The following TASP1 variants were observed in gnomAD, a reference collection of about 807,000 sequenced individuals.
TASP1 encodes threonine aspartase 1.
TASP1 carries 16 observed loss-of-function variants against 56.6 expected under a neutral mutation model. The ratio of observed to expected loss-of-function variants is 0.28; its 90% CI spans 0.19 to 0.43. The LOEUF is 0.43. TASP1 is among the 20% of genes least tolerant of loss of function. The pLI is 1.00. For synonymous variants in TASP1, 179 were observed against 184.2 expected (o/e 0.97, Z 0.23); for missense variants, 393 against 511.6 (o/e 0.77, Z 2.24).
At chr20:13,319,768 G>A in the TASP1 span, among the ~76,000 whole-genome samples, 2 of 152,230 alleles carry the variant, frequency 1.3e-5, no homozygotes, top group African/African-American at 4.8e-5. Context: ...GAGGGTGAGA[G>A]AGACGTGGGG....
intron 12 of TASP1, among the ~76,000 whole-genome samples, chr20:13,431,955 C>T (rs1387548443): frequency 6.6e-6 from 1 of 152,114 alleles, no homozygotes; most frequent in East Asian, 1.9e-4. Context: ...AGCCCCTTGG[C>T]CTTGGACTTC....
At chr20:13,401,637 A>G (rs1451120253) in intron 13 of TASP1, among the ~76,000 whole-genome samples, 2 of 152,268 alleles carry the variant, frequency 1.3e-5, no homozygotes, top group Non-Finnish European at 2.9e-5. Flanking sequence ...TAACAATGAC[A>G]TGACCAAGAT....
the TASP1 span, among the ~76,000 whole-genome samples, chr20:13,125,577 T>A: frequency 6.6e-6 from 1 of 152,182 alleles, no homozygotes; most frequent in Non-Finnish European, 1.5e-5. Flanking sequence ...GCTAAGGAGT[T>A]CTTTTGGTCT....
At chr20:13,469,487 T>C (rs2146409612) in intron 11 of TASP1, among the ~76,000 whole-genome samples, 1 of 152,312 alleles carries the variant, frequency 6.6e-6, no homozygotes, top group East Asian at 1.9e-4. Context: ...CTTATTAGTC[T>C]GCTGCTGATC....
the TASP1 span, among the ~76,000 whole-genome samples, chr20:13,375,659 A>C: frequency 1.3e-5 from 2 of 152,120 alleles, no homozygotes; most frequent in African/African-American, 4.8e-5. Context: ...GAATCACCAC[A>C]CTGTATTCCA....
the TASP1 span, chr20:13,167,347 TTA>T: frequency 1.4e-5 from 2 of 145,772 alleles, no homozygotes; most frequent in Admixed American, 1.3e-4. Flanking sequence ...CGCCCCGACC[TTA>T]GCTCTAATTA....
intron 11 of TASP1, among the ~76,000 whole-genome samples, chr20:13,468,062 C>A (rs1469626564): frequency 1.3e-5 from 2 of 151,818 alleles, no homozygotes; most frequent in Non-Finnish European, 2.9e-5. Context: ...AAACAAAAAA[C>A]AAAACCACAT....
At chr20:13,211,498 T>C in the TASP1 span, among the ~76,000 whole-genome samples, 1 of 152,168 alleles carries the variant, frequency 6.6e-6, no homozygotes, top group Non-Finnish European at 1.5e-5. Flanking sequence ...GTCTAGGGAT[T>C]AGTAAAATAG....
At chr20:13,611,275 C>T (rs1200274437) in intron 4 of TASP1, among the ~76,000 whole-genome samples, 1 of 152,122 alleles carries the variant, frequency 6.6e-6, no homozygotes, top group Non-Finnish European at 1.5e-5. Flanking sequence ...CAGTACGTTC[C>T]TTCATCACAA....
chr20:13,236,591 T>C, the TASP1 span, among the ~76,000 whole-genome samples: 1 of 152,140 alleles, frequency 6.6e-6, no homozygotes, highest in African/African-American at 2.4e-5. Flanking sequence ...CAAAGTCTCA[T>C]CTGAGACAAG....
chr20:13,392,875 G>A, intron 13 of TASP1: 1 of 664,632 alleles, frequency 1.5e-6, no homozygotes, highest in South Asian at 1.4e-5. Context: ...TGGGAAGCTT[G>A]TCATCAATGG....
At chr20:13,440,285 G>A (rs985387478) in intron 11 of TASP1, among the ~76,000 whole-genome samples, 1 of 152,188 alleles carries the variant, frequency 6.6e-6, no homozygotes, top group African/African-American at 2.4e-5. Context: ...CAGGATGAAT[G>A]TTCCTTGACA....
At position 13,569,587 on chromosome 20, in the gene TASP1, C is replaced by G. The variant is rs773483738; in HGVS notation, c.489-1G>C. 1 of 1,610,902 alleles carries G rather than the reference C, an allele frequency of 6.2e-7. No individual in the cohort carries two copies. The highest frequency in any genetic ancestry group is 1.7e-5 in the Admixed American group (1 of 59,902). On this transcript the variant is annotated splice_acceptor_variant, in intron 6 of 13. Transcript: ENST00000337743. LOFTEE classifies it high-confidence loss of function. ...GTAGGCTCCTTCTCCAACTAAAAAG[C>G]TAACAACAGAAAAATTATTTTTAAA...
the TASP1 span, among the ~76,000 whole-genome samples, chr20:13,228,318 G>C: frequency 1.7e-4 from 26 of 151,960 alleles, 1 homozygote; most frequent in African/African-American, 6.0e-4. Context: ...TATTTTGCTA[G>C]AACACAGTTT....
intron 12 of TASP1, among the ~76,000 whole-genome samples, chr20:13,430,932 T>C (rs118017010): frequency 1.3e-5 from 2 of 152,284 alleles, no homozygotes; most frequent in East Asian, 3.9e-4. Flanking sequence ...AAGAGGAAAG[T>C]CTACATAACG....
At chr20:13,538,475 A>G (rs2045497654) in intron 8 of TASP1, among the ~76,000 whole-genome samples, 1 of 152,226 alleles carries the variant, frequency 6.6e-6, no homozygotes. Context: ...CATTCTTTGA[A>G]AACATACCAA....
the TASP1 span, among the ~76,000 whole-genome samples, chr20:13,263,137 G>A: frequency 6.6e-6 from 1 of 152,138 alleles, no homozygotes; most frequent in Non-Finnish European, 1.5e-5. Flanking sequence ...GCATTGCACT[G>A]TCATGCTTGC....
the TASP1 span, chr20:13,153,968 G>A: frequency 3.0e-5 from 48 of 1,608,810 alleles, no homozygotes; most frequent in Non-Finnish European, 4.0e-5. Context: ...TCTTTCTAGT[G>A]GGAATTGATG....
rs185694951 is a variant in TASP1, at chr20:13,613,466, A to C, written c.282+9980T>G. Among the ~76,000 whole-genome samples, 73 of 152,316 alleles carry C rather than the reference A, an allele frequency of 4.8e-4. 1 individual carries two copies. The South Asian group carries it at 6.4e-3, about 13-fold the overall frequency. ...TGATCTGCCATTATAAACACTCTTA[A>C]GTCAATGCTTGTATAGGAAAATTAG... On this transcript the variant is annotated intron_variant, in intron 4 of 13. Transcript: ENST00000337743.
Sources: allele counts gnomAD v4.1 joint callset (sites outside exome capture counted in the v4.1 genomes callset), GRCh38; gene constraint gnomAD v4.1.1; transcripts MANE v1.5; gene names NCBI Gene and HGNC (gene_info 2026-07-23, HGNC 2026-07-21).